MED12L: variants seen among roughly 807,000 people sequenced by gnomAD.
MED12L encodes the protein mediator of RNA polymerase II transcription subunit 12-like protein.
In MED12L, 60 loss-of-function variants were observed where a neutral mutation model predicts 281.3. That is an observed-to-expected ratio of 0.21 (90% CI 0.17 to 0.26). MED12L has a LOEUF of 0.26. Among genes scored for constraint, MED12L ranks in the 10% least tolerant of loss-of-function variants. The pLI, the probability that MED12L is intolerant of heterozygous loss-of-function variation, is 1.00. For missense variants in MED12L, 2,146 were observed against 2,680.9 expected (o/e 0.80, Z 4.41); for synonymous variants, 974 against 987.2 (o/e 0.99, Z 0.25).
chr3:151,376,965 G>A, intron 29 of MED12L, 26 bp from the exon 30 acceptor site: 4 of 1,611,140 alleles, frequency 2.5e-6, no homozygotes, highest in South Asian at 1.1e-5. Context: ...ACACATATGT[G>A]CCAGTATTCT....
chr3:151,344,684 G>C (rs956189186), intron 16 of MED12L, among the ~76,000 whole-genome samples: 2 of 152,138 alleles, frequency 1.3e-5, no homozygotes, highest in Admixed American at 1.3e-4. Context: ...GCCATATTTT[G>C]TCTTATCAGA....
intron 26 of MED12L, among the ~76,000 whole-genome samples, chr3:151,371,557 A>G (rs534969713): frequency 5.9e-5 from 9 of 152,210 alleles, no homozygotes; most frequent in African/African-American, 2.2e-4. Flanking sequence ...TCAGTAAGCC[A>G]TTTTTTTCAG....
chr3:151,104,623 C>T (rs1438154008), intron 2 of MED12L, among the ~76,000 whole-genome samples: 1 of 152,158 alleles, frequency 6.6e-6, no homozygotes, highest in African/African-American at 2.4e-5. Flanking sequence ...GCAGAGCCTG[C>T]CCTCCCCTAC....
chr3:151,127,705 C>A, intron 4 of MED12L, 120 bp from the exon 5 acceptor site: 1 of 682,366 alleles, frequency 1.5e-6, no homozygotes, highest in Non-Finnish European at 2.3e-6. Context: ...CAAGGATATA[C>A]TTTCTTAGGG....
Position 151,399,930 on chromosome 3 carries a change from G to T in MED12L, c.5820+5063G>T, listed in dbSNP as rs776554351. ...CAACCTCTGCTTCCCGGGTTCAAGC[G>T]ATTCTCCTGCCTCAGCCTCCCGAGT... On this transcript the variant is annotated intron_variant, in intron 39 of 44. Coordinates refer to ENST00000687756, the MANE Select transcript of MED12L (RefSeq NM_001393769.1). Among the ~76,000 whole-genome samples, 4 of 152,024 alleles carry T rather than the reference G, an allele frequency of 2.6e-5. No homozygotes were observed. In the South Asian group the frequency reaches 8.3e-4, roughly 32 times the overall value.
At chr3:151,427,831 A>G (rs1361671048) in intron 43 of MED12L, among the ~76,000 whole-genome samples, 1 of 152,220 alleles carries the variant, frequency 6.6e-6, no homozygotes, top group Non-Finnish European at 1.5e-5. Flanking sequence ...TTAATAATGT[A>G]TATTCCAGAA....
In MED12L at chr3:151,286,760, G is replaced by A. The variant is rs1743564090; in HGVS notation, c.2251-63299G>A. On this transcript the variant is annotated intron_variant, in intron 16 of 44. Coordinates refer to ENST00000687756, the MANE Select transcript of MED12L (RefSeq NM_001393769.1). Reference sequence around the variant, plus strand: ...TACACAGTCCCAGTTGAAACCTGTTGTGCCAGCTCAGCAAGCAACACTTTC... The same window carrying A: ...TACACAGTCCCAGTTGAAACCTGTTATGCCAGCTCAGCAAGCAACACTTTC... 1.3e-5 allele frequency among the ~76,000 whole-genome samples: 2 copies of A among 152,286 alleles called. 1 individual carries two copies. The highest frequency in any genetic ancestry group is 4.1e-4 in the South Asian group (2 of 4,828).
intron 16 of MED12L, among the ~76,000 whole-genome samples, chr3:151,319,996 C>G (rs909693356): frequency 2.0e-5 from 3 of 152,114 alleles, no homozygotes; most frequent in Admixed American, 6.5e-5. Context: ...CTGAAATGAA[C>G]TCTTTATTCT....
chr3:151,196,483 C>T (rs1000178886), intron 16 of MED12L, among the ~76,000 whole-genome samples: 1 of 152,122 alleles, frequency 6.6e-6, no homozygotes, highest in South Asian at 2.1e-4. Context: ...TGGGGCCCTA[C>T]TAAATGAAGA....
intron 33 of MED12L, 58 bp downstream of exon 33, chr3:151,382,803 TC>T: frequency 7.3e-7 from 1 of 1,362,460 alleles, no homozygotes. Context: ...TGAAAATACC[TC>T]CAGCTTTCCA....
intron 2 of MED12L, among the ~76,000 whole-genome samples, chr3:151,089,974 T>C (rs985457840): frequency 2.0e-5 from 3 of 152,160 alleles, no homozygotes; most frequent in African/African-American, 7.2e-5. Flanking sequence ...TGCTCTCCAG[T>C]TTCACCAGTA....
At position 151,388,319 on chromosome 3, in the gene MED12L, A is replaced by G. The variant is rs993092100; in HGVS notation, c.5451+147A>G. ...CCTAACAGGTTTCTGCATTAACTGA[A>G]TGGCACACAATGACTTGTCACAGAC... is the stretch of plus-strand genomic sequence containing the variant. On this transcript the variant is annotated intron_variant, in intron 37 of 44. Transcript: ENST00000687756. 19 of 857,782 alleles carry G rather than the reference A, an allele frequency of 2.2e-5. No homozygotes were observed. The African/African-American group carries it at 2.9e-4, about 13-fold the overall frequency. The allele number at this position is 857,782 out of a possible 1,614,324, so 53.1% of individuals were successfully genotyped here. A position where few individuals can be genotyped will look rare whatever the true frequency, so the allele number is the denominator to read the frequency against.
Position 151,153,297 on chromosome 3 carries a change from T to A in MED12L, c.557-2864T>A, listed in dbSNP as rs184582944. Among the ~76,000 whole-genome samples the A allele has an allele frequency of 2.3e-3, 344 of 152,306 alleles. 8 individuals carry two copies. The South Asian group carries it at 0.059, about 26-fold the overall frequency. ...TAGGTAGAGTATGGTCCAAAAAAGC[T>A]GTCATTCTTTTCAATCCTGACCCCT... On this transcript the variant is annotated intron_variant, in intron 5 of 44. Coordinates refer to ENST00000687756, the MANE Select transcript of MED12L (RefSeq NM_001393769.1).
chr3:151,274,143 G>A (rs536690321), intron 16 of MED12L, among the ~76,000 whole-genome samples: 22 of 152,254 alleles, frequency 1.4e-4, no homozygotes, highest in African/African-American at 3.4e-4. Flanking sequence ...AAAAGGCCTC[G>A]CTGCCACAAA....
chr3:151,377,935 C>A, intron 30 of MED12L, 77 bp from the exon 31 acceptor site: 1 of 1,392,444 alleles, frequency 7.2e-7, no homozygotes, highest in Non-Finnish European at 9.6e-7. Flanking sequence ...CAAAGTTTCG[C>A]TTTGGAGTTT....
rs375765681 is a variant in MED12L, at chr3:151,169,483, C to T, written c.1494+3501C>T. ...GGAATTCATGCATGTGCTGCAGCAT[C>T]ATGTTAACTGATCAGCTGGTGATCT... On this transcript the variant is annotated intron_variant, in intron 11 of 44. Transcript: ENST00000687756. Among the ~76,000 whole-genome samples, 3 of 152,194 alleles carry T rather than the reference C, an allele frequency of 2.0e-5. No individual in the cohort carries two copies. The East Asian group carries it at 5.8e-4, about 29-fold the overall frequency.
chr3:151,339,577 C>G (rs1577371746), intron 16 of MED12L, among the ~76,000 whole-genome samples: 1 of 151,960 alleles, frequency 6.6e-6, no homozygotes, highest in East Asian at 1.9e-4. Flanking sequence ...TTCCAACTTT[C>G]CTCAGTGTTT....
Position 151,432,924 on chromosome 3 carries a change from T to G in MED12L, c.*120T>G. The G allele has an allele frequency of 2.7e-6, 2 of 731,308 alleles. No individual in the cohort carries two copies. Among genetic ancestry groups the G allele is most frequent in the Middle Eastern group, 3.0e-4 (1 of 3,322 alleles). 45.3% of individuals were successfully genotyped at this position (731,308 alleles called of 1,614,324 possible). A position where few individuals can be genotyped will look rare whatever the true frequency, so the allele number is the denominator to read the frequency against. On this transcript the variant is annotated 3_prime_UTR_variant, in exon 45 of 45. Coordinates refer to ENST00000687756, the MANE Select transcript of MED12L (RefSeq NM_001393769.1). ...TTCATTTCTTTGACATTTTACTATA[T>G]TTTATGCTACATCTCACAAAAAAAA...
At chr3:151,259,132 G>A (rs146024839) in intron 16 of MED12L, among the ~76,000 whole-genome samples, 296 of 152,230 alleles carry the variant, frequency 1.9e-3, no homozygotes, top group Middle Eastern at 0.014. Flanking sequence ...GGACTGAAAG[G>A]TTCACCTAAG....
Sources: allele counts gnomAD v4.1 joint callset (sites outside exome capture counted in the v4.1 genomes callset), GRCh38; gene constraint gnomAD v4.1.1; transcripts MANE v1.5; gene names NCBI Gene and HGNC (gene_info 2026-07-23, HGNC 2026-07-21).